The following CYP2C8 variants were observed in gnomAD, a reference collection of about 807,000 sequenced individuals.
The protein encoded by CYP2C8 is cytochrome P450 2C8.
A neutral mutation model predicts 41.3 loss-of-function variants in CYP2C8; 51 were observed. The ratio of observed to expected loss-of-function variants is 1.24; its 90% CI spans 0.99 to 1.56. The LOEUF (loss-of-function observed/expected upper bound fraction) is 1.56. Among genes scored for constraint, CYP2C8 ranks in the 40% most tolerant of loss-of-function variants. The probability of loss-of-function intolerance (pLI) is 0.00; values close to 1 mark genes in which losing one functional copy is unlikely to be tolerated. For missense variants in CYP2C8, 651 were observed against 579.9 expected, an observed-to-expected ratio of 1.12 and a Z score of -1.26; for synonymous variants, 218 against 205.8, an observed-to-expected ratio of 1.06 and a Z score of -0.51.
At chr10:95,056,450 G>T (rs1013459499) in intron 5 of CYP2C8, among the ~76,000 whole-genome samples, 4 of 152,106 alleles carry the variant, frequency 2.6e-5, no homozygotes, top group African/African-American at 9.7e-5. Context: ...GTATACAAAT[G>T]TTCATAGCAA....
chr10:95,067,491 C>A (rs201770172), intron 2 of CYP2C8, 38 bp downstream of exon 2: 2 of 1,613,998 alleles, frequency 1.2e-6, no homozygotes, highest in East Asian at 4.5e-5. Flanking sequence ...CCCCCTCACC[C>A]CAGTTACCAA....
At chr10:95,045,471 A>G (rs2033088979) in intron 6 of CYP2C8, among the ~76,000 whole-genome samples, 2 of 152,182 alleles carry the variant, frequency 1.3e-5, no homozygotes, top group African/African-American at 4.8e-5. Context: ...AAATGAACCT[A>G]CTGTTCAAAG....
At chr10:95,039,936 C>G (rs965387685) in intron 7 of CYP2C8, among the ~76,000 whole-genome samples, 2 of 152,098 alleles carry the variant, frequency 1.3e-5, no homozygotes, top group Admixed American at 6.6e-5. Context: ...TCATACAAAA[C>G]CAGCCTGAGG....
At position 95,044,902 on chromosome 10, in the gene CYP2C8, AC is replaced by A. The variant is rs1178231717; in HGVS notation, c.961+907del. 3.9e-5 allele frequency among the ~76,000 whole-genome samples: 6 copies of A among 152,266 alleles called. No homozygotes were observed. The South Asian group carries it at 1.2e-3, about 32-fold the overall frequency. ...TCTTGATAAATCTTCCTCTGCTAAT[AC>A]TTACAACTCCATCCTCTATGCTGTG... On this transcript the variant is annotated intron_variant, in intron 6 of 8. Coordinates refer to ENST00000371270, the MANE Select transcript of CYP2C8 (RefSeq NM_000770.3).
chr10:95,042,748 C>T (rs1173618784), intron 7 of CYP2C8, 142 bp downstream of exon 7: 2 of 750,612 alleles, frequency 2.7e-6, no homozygotes, highest in African/African-American at 1.7e-5. Flanking sequence ...TAGCCCCAAA[C>T]AAAATAGCAG....
chr10:95,066,145 AGAGAGAGAGT>A (rs1350869240), intron 3 of CYP2C8, among the ~76,000 whole-genome samples: 2 of 114,606 alleles, frequency 1.7e-5, no homozygotes, highest in Admixed American at 8.3e-5. Flanking sequence ...AGAGAGAGAG[AGAGAGAGAGT>A]GTGTGTGTGT....
chr10:95,043,864 GCACACA>G (rs58419621), intron 6 of CYP2C8, among the ~76,000 whole-genome samples: 12 of 139,180 alleles, frequency 8.6e-5, no homozygotes, highest in African/African-American at 1.3e-4. Context: ...ACTCACAGAA[GCACACA>G]CACACACACA....
intron 6 of CYP2C8, among the ~76,000 whole-genome samples, chr10:95,043,359 T>C (rs534149967): frequency 2.0e-5 from 3 of 152,234 alleles, no homozygotes; most frequent in South Asian, 2.1e-4. Context: ...AAACAGAACA[T>C]AATAAGTCAA....
intron 7 of CYP2C8, chr10:95,039,424 G>A: frequency 4.4e-6 from 1 of 227,714 alleles, no homozygotes; most frequent in Non-Finnish European, 8.8e-6. Flanking sequence ...CAGAGTATCT[G>A]TTCATAGAAC....
intron 5 of CYP2C8, among the ~76,000 whole-genome samples, chr10:95,053,520 T>A (rs552118168): frequency 1.3e-5 from 2 of 152,162 alleles, no homozygotes; most frequent in Non-Finnish European, 2.9e-5. Context: ...CCAACCCAAA[T>A]GCCCATCAGT....
At chr10:95,046,255 G>A (rs746942455) in intron 5 of CYP2C8, among the ~76,000 whole-genome samples, 9 of 152,134 alleles carry the variant, frequency 5.9e-5, no homozygotes, top group Non-Finnish European at 1.3e-4. Flanking sequence ...TTCAATTTGT[G>A]TTATAAAACA....
rs552972803 is a variant in CYP2C8 at position 95,039,691 on chromosome 10, G to A, written c.1150-653C>T. ...GTGTGATTCTGGAAGCAGGAGTTTC[G>A]GATAATCTTAATGCACTCCCATAGA... On this transcript the variant is annotated intron_variant, in intron 7 of 8. Coordinates refer to ENST00000371270, the MANE Select transcript of CYP2C8 (RefSeq NM_000770.3). Among the ~76,000 whole-genome samples, 6 of 152,210 alleles carry A rather than the reference G, an allele frequency of 3.9e-5. No individual in the cohort carries two copies. The South Asian group carries it at 6.2e-4, about 16-fold the overall frequency.
At chr10:95,041,485 A>T (rs577013180) in intron 7 of CYP2C8, among the ~76,000 whole-genome samples, 4 of 152,324 alleles carry the variant, frequency 2.6e-5, no homozygotes, top group South Asian at 4.1e-4. Flanking sequence ...ACTGGCTTTT[A>T]AAAAATCTGT....
chr10:95,058,259 A>G, intron 5 of CYP2C8, 76 bp downstream of exon 5: 1 of 1,581,340 alleles, frequency 6.3e-7, no homozygotes. Context: ...AAACATCCTT[A>G]GTAAATTACA....
chr10:95,058,336 T>C lies in CYP2C8; in HGVS notation c.818A>G (p.Gln273Arg), dbSNP rs1273700272. ...ACTGATCTGTTGCTAATATCTTACCTGCTCCATTTTGATCAGGAAGCAATC... is the reference window on the plus strand; with the variant it reads ...ACTGATCTGTTGCTAATATCTTACCCGCTCCATTTTGATCAGGAAGCAATC... The part of the protein sequence containing the change: ...FIDCFLIKME[Q>R]EKDNQKSEFN... The change falls in exon 5 of 9, where the codon CAG (glutamine) becomes CGG (arginine). Residue 273 changes from glutamine to arginine, a missense_variant and splice_region_variant. Transcript: ENST00000371270. 1 of 1,613,022 alleles carries C rather than the reference T, an allele frequency of 6.2e-7. No homozygotes were observed. Among genetic ancestry groups the C allele is most frequent in the East Asian group, 2.2e-5 (1 of 44,806 alleles).
Position 95,064,885 on chromosome 10 carries a change from C to T in CYP2C8, c.557G>A (p.Arg186Gln), listed in dbSNP as rs543793530. The part of the protein sequence containing the change: ...NVICSVVFQK[R>Q]FDYKDQNFLT... ...AAAATTCTGATCTTTATAATCAAAT[C>T]GTTTCTGGAAAACAACGGAGCAGAT... The change falls in exon 4 of 9, where the codon CGA (arginine) becomes CAA (glutamine). Residue 186 changes from arginine to glutamine, a missense_variant. Physicochemically the swap from Arg to Gln is conservative, Grantham distance 43 (BLOSUM62 1). Coordinates refer to ENST00000371270, the MANE Select transcript of CYP2C8 (RefSeq NM_000770.3). 3.6e-5 allele frequency: 58 copies of T among 1,613,704 alleles called. No homozygotes were observed. The highest frequency in any genetic ancestry group is 3.3e-4 in the South Asian group (30 of 91,062).
chr10:95,039,966 G>C (rs932852096), intron 7 of CYP2C8, among the ~76,000 whole-genome samples: 6 of 152,070 alleles, frequency 3.9e-5, no homozygotes, highest in African/African-American at 1.4e-4. Context: ...AATGACTGCT[G>C]GTCTCAAAAA....
At chr10:95,058,154 T>A (rs1374692614) in intron 5 of CYP2C8, among the ~76,000 whole-genome samples, 181 bp downstream of exon 5, 1 of 152,326 alleles carries the variant, frequency 6.6e-6, no homozygotes, top group South Asian at 2.1e-4. Context: ...ATTCTAGCCA[T>A]TGGACAATTT....
Position 95,069,343 on chromosome 10 carries a change from C to G in CYP2C8, c.60G>C (p.Trp20Cys). ...CLSFMLLFSLWRQSCRRRKLP... is the reference protein window; with the variant it reads ...CLSFMLLFSLCRQSCRRRKLP... Reference sequence around the variant, plus strand: ...GCTTCCTTCTCCTACAGCTCTGTCTCCAGAGTGAAAAGAGAAGCATAAAAG... The same window carrying G: ...GCTTCCTTCTCCTACAGCTCTGTCTGCAGAGTGAAAAGAGAAGCATAAAAG... The change falls in exon 1 of 9, where the codon TGG (tryptophan) becomes TGC (cysteine). Residue 20 changes from tryptophan (W) to cysteine (C), a missense_variant. Physicochemically the swap from Trp to Cys is radical, Grantham distance 215. Transcript: ENST00000371270. 1 of 1,614,044 alleles carries G rather than the reference C, an allele frequency of 6.2e-7. No homozygotes were observed. Among genetic ancestry groups the G allele is most frequent in the Non-Finnish European group, 8.5e-7 (1 of 1,180,008 alleles).
Sources: allele counts gnomAD v4.1 joint callset (sites outside exome capture counted in the v4.1 genomes callset), GRCh38; gene constraint gnomAD v4.1.1; transcripts MANE v1.5; gene names NCBI Gene and HGNC (gene_info 2026-07-23, HGNC 2026-07-21).